PRRC2C: variants seen among roughly 807,000 people sequenced by gnomAD.
The protein encoded by PRRC2C is protein PRRC2C.
Under a neutral mutation model 317.2 loss-of-function variants are expected in PRRC2C, and 72 were observed. The observed-to-expected ratio is 0.23, with a 90% CI of 0.19 to 0.28. PRRC2C has a LOEUF of 0.28. Among genes scored for constraint, PRRC2C ranks in the 10% least tolerant of loss-of-function variants. PRRC2C has a pLI of 1.00. For synonymous variants in PRRC2C, 1,296 were observed against 1,205.9 expected (o/e 1.07, Z -1.55); for missense variants, 3,074 against 3,459.7 (o/e 0.89, Z 2.80).
intron 11 of PRRC2C, among the ~76,000 whole-genome samples, chr1:171,528,432 A>T (rs7531984): frequency 6.6e-6 from 1 of 151,858 alleles, no homozygotes; most frequent in Non-Finnish European, 1.5e-5. Context: ...GGCACTACAG[A>T]TGCCCGCCAC....
chr1:171,591,505 G>A, intron 34 of PRRC2C, 82 bp from the exon 35 acceptor site: 2 of 1,528,704 alleles, frequency 1.3e-6, no homozygotes, highest in South Asian at 1.3e-5. Context: ...TTTGTGATTG[G>A]TAAAAGAATT....
intron 30 of PRRC2C, among the ~76,000 whole-genome samples, 170 bp from the exon 31 acceptor site, chr1:171,586,833 G>A (rs565758620): frequency 1.3e-4 from 20 of 151,342 alleles, no homozygotes; most frequent in Middle Eastern, 3.5e-3. Context: ...TGATCTGCCC[G>A]CCTTGGCCTT....
chr1:171,559,880 A>G (rs1057055112), intron 19 of PRRC2C, among the ~76,000 whole-genome samples: 2 of 152,086 alleles, frequency 1.3e-5, no homozygotes, highest in African/African-American at 4.8e-5. Flanking sequence ...AAAATGCTCA[A>G]AAGCTTTCCT....
chr1:171,581,706 C>T (rs1365817750), intron 28 of PRRC2C, among the ~76,000 whole-genome samples: 1 of 152,154 alleles, frequency 6.6e-6, no homozygotes, highest in Non-Finnish European at 1.5e-5. Flanking sequence ...GCAGTATATT[C>T]ATGTTTTCTT....
At chr1:171,488,610 C>G (rs1666557222) in intron 1 of PRRC2C, among the ~76,000 whole-genome samples, 1 of 152,188 alleles carries the variant, frequency 6.6e-6, no homozygotes, top group Non-Finnish European at 1.5e-5. Context: ...CTAGAAGTGC[C>G]TACCATTGCT....
intron 1 of PRRC2C, among the ~76,000 whole-genome samples, chr1:171,497,981 ATT>A (rs60519098): frequency 0.026 from 3,428 of 130,596 alleles, 136 homozygotes; most frequent in African/African-American, 0.094. Context: ...TACCCAGCTA[ATT>A]TTTTTTTTTT....
chr1:171,571,394 TC>T lies in PRRC2C; in HGVS notation c.6729del (p.Thr2244LeufsTer22). ...AGAGCTCCAGCCTAACTTCAGTTCC[TC>T]CCACTACTTTCAGCCTCACCTTCAA... ...QQSSSLTSVPPTTFSLTFKME... is the reference protein window; with the variant it reads ...QQSSSLTSVPXTTFSLTFKME... On this transcript the variant is annotated frameshift_variant, in exon 24 of 35. Coordinates refer to ENST00000647382, the MANE Select transcript of PRRC2C (RefSeq NM_001387844.1). LOFTEE classifies it high-confidence loss of function. 6.2e-7 allele frequency: 1 copy of T among 1,609,144 alleles called. No individual in the cohort carries two copies. The highest frequency in any genetic ancestry group is 8.5e-7 in the Non-Finnish European group (1 of 1,175,498).
chr1:171,552,416 A>G (rs1018015717), intron 18 of PRRC2C, among the ~76,000 whole-genome samples: 1 of 152,204 alleles, frequency 6.6e-6, no homozygotes, highest in East Asian at 1.9e-4. Context: ...AAACAGGGAC[A>G]ATTTGACTTC....
At chr1:171,548,055 T>A (rs573317697) in intron 17 of PRRC2C, among the ~76,000 whole-genome samples, 80 of 152,258 alleles carry the variant, frequency 5.3e-4, no homozygotes, top group African/African-American at 1.8e-3. Context: ...AACCTCTGCC[T>A]CCCAGGTTCA....
At chr1:171,544,773 G>A (rs1374401201) in intron 16 of PRRC2C, among the ~76,000 whole-genome samples, 2 of 152,080 alleles carry the variant, frequency 1.3e-5, no homozygotes, top group Non-Finnish European at 2.9e-5. Flanking sequence ...TAGAAGAAAT[G>A]AACTCATTCT....
At chr1:171,588,255 T>A in intron 32 of PRRC2C, 124 bp from the exon 33 acceptor site, 1 of 1,069,652 alleles carries the variant, frequency 9.3e-7, no homozygotes, top group Non-Finnish European at 1.4e-6. Context: ...GTTTTGGTAA[T>A]CATCATAGTA....
chr1:171,494,101 C>A (rs1667679475), intron 1 of PRRC2C, among the ~76,000 whole-genome samples: 1 of 152,154 alleles, frequency 6.6e-6, no homozygotes, highest in Non-Finnish European at 1.5e-5. Flanking sequence ...GTAATTTTAA[C>A]AATTTTAAAA....
intron 1 of PRRC2C, among the ~76,000 whole-genome samples, chr1:171,496,941 G>T (rs1006427376): frequency 4.0e-5 from 6 of 151,858 alleles, no homozygotes; most frequent in Non-Finnish European, 8.8e-5. Flanking sequence ...GGGACCACAC[G>T]CATGTGCCAC....
In PRRC2C at chr1:171,587,093, C is replaced by T. The variant is rs1264291747; in HGVS notation, c.7840C>T (p.Pro2614Ser). ...AATTGCTTTGCCTCAGACTCTTCAGCCCCCATTACAGCATACCACTCCCCA... is the reference window on the plus strand; with the variant it reads ...AATTGCTTTGCCTCAGACTCTTCAGTCCCCATTACAGCATACCACTCCCCA... Reference protein sequence around the residue: ...PLIALPQTLQPPLQHTTPQAQ... With the variant: ...PLIALPQTLQSPLQHTTPQAQ... Residue 2614 changes from proline to serine, a missense_variant, in exon 31 of 35, where the codon CCC (proline) becomes TCC (serine). Physicochemically the swap from Pro to Ser is moderately conservative, Grantham distance 74. Around this residue, in one of 11 missense-constraint regions of PRRC2C, gnomAD observed 490 missense variants for 663.1 expected, o/e 0.74. Coordinates refer to ENST00000647382, the MANE Select transcript of PRRC2C (RefSeq NM_001387844.1). 4 of 1,611,744 alleles carry T rather than the reference C, an allele frequency of 2.5e-6. No homozygotes were observed. Among genetic ancestry groups the T allele is most frequent in the Non-Finnish European group, 3.4e-6 (4 of 1,179,078 alleles).
intron 5 of PRRC2C, 139 bp from the exon 6 acceptor site, chr1:171,517,452 A>G: frequency 2.6e-6 from 2 of 763,984 alleles, no homozygotes; most frequent in South Asian, 1.9e-5. Flanking sequence ...ACTTGAAAGC[A>G]TTAGTAGGAC....
intron 25 of PRRC2C, among the ~76,000 whole-genome samples, chr1:171,575,984 A>T (rs1012435901): frequency 1.3e-5 from 2 of 152,172 alleles, no homozygotes; most frequent in African/African-American, 4.8e-5. Context: ...AGCTGGTCTT[A>T]GGTTTATACA....
chr1:171,532,998 A>G lies in PRRC2C; in HGVS notation c.1873+37A>G, dbSNP rs370380495. On this transcript the variant is annotated intron_variant, in intron 12 of 34. Coordinates refer to ENST00000647382, the MANE Select transcript of PRRC2C (RefSeq NM_001387844.1). The stretch of plus-strand genomic sequence containing the variant: ...TTCTTCATTCTCTTTTAAAAACTTT[A>G]CAAAGAGCTTTATGTTGGTTACAGT... 11 of 1,491,698 alleles carry G rather than the reference A, an allele frequency of 7.4e-6. No homozygotes were observed. The East Asian group carries it at 2.6e-4, about 35-fold the overall frequency. 92.4% of individuals were successfully genotyped at this position (1,491,698 alleles called of 1,614,324 possible). A position where few individuals can be genotyped will look rare whatever the true frequency, so the allele number is the denominator to read the frequency against.
At chr1:171,567,453 C>T (rs1479246160) in intron 22 of PRRC2C, among the ~76,000 whole-genome samples, 1 of 152,182 alleles carries the variant, frequency 6.6e-6, no homozygotes, top group Admixed American at 6.5e-5. Context: ...GAAAAAGTTA[C>T]ATGCAATTTT....
At chr1:171,569,432 G>A (rs138044995) in intron 23 of PRRC2C, among the ~76,000 whole-genome samples, 2 of 151,194 alleles carry the variant, frequency 1.3e-5, no homozygotes, top group African/African-American at 2.4e-5. Flanking sequence ...CTGAAGGACT[G>A]TACTAAATAT....
Sources: gnomAD v4.1 joint callset for allele counts (sites outside exome capture counted in the v4.1 genomes callset) on GRCh38, gnomAD v4.1.1 for gene constraint, gnomAD v4.1.1 regional missense constraint, MANE v1.5 for transcripts, NCBI Gene and HGNC (gene_info 2026-07-23, HGNC 2026-07-21) for gene names.